HAT1: variants seen among roughly 807,000 people sequenced by gnomAD.
HAT1 encodes the protein histone acetyltransferase type B catalytic subunit.
In HAT1, 20 loss-of-function variants were observed where a neutral mutation model predicts 56.6. That is an observed-to-expected ratio of 0.35 (90% confidence interval 0.25 to 0.51). The LOEUF (loss-of-function observed/expected upper bound fraction) is 0.51. Among genes scored for constraint, HAT1 ranks in the 20% least tolerant of loss-of-function variants. HAT1 has a pLI of 0.95. For missense variants in HAT1, 408 were observed against 504.3 expected (o/e 0.81, Z 1.83); for synonymous variants, 146 against 165.5 (o/e 0.88, Z 0.91).
chr2:171,965,461 A>T lies in HAT1; in HGVS notation c.433A>T (p.Thr145Ser). The T allele has an allele frequency of 6.2e-7, 1 of 1,610,166 alleles. No homozygotes were observed. Among genetic ancestry groups the T allele is most frequent in the Non-Finnish European group, 8.5e-7 (1 of 1,176,798 alleles). Residue 145 changes from threonine to serine, a missense_variant, in exon 5 of 11, where the codon ACC (threonine) becomes TCC (serine). Transcript: ENST00000264108. The stretch of plus-strand genomic sequence containing the variant: ...CAAGCCATTCGGAACCTTACTTCAT[A>T]CCTACTCAGTTCTCAGTCCAACAGG... ...DFKPFGTLLHTYSVLSPTGGE... is the reference protein window; with the variant it reads ...DFKPFGTLLHSYSVLSPTGGE...
At chr2:171,949,171 C>CTTAT (rs971964841) in intron 3 of HAT1, among the ~76,000 whole-genome samples, 1 of 151,880 alleles carries the variant, frequency 6.6e-6, no homozygotes, top group African/African-American at 2.4e-5. Context: ...TCTTCTTCTT[C>CTTAT]TTATTTATTT....
At chr2:171,941,318 T>A (rs1230892510) in intron 2 of HAT1, among the ~76,000 whole-genome samples, 1 of 152,122 alleles carries the variant, frequency 6.6e-6, no homozygotes, top group Non-Finnish European at 1.5e-5. Context: ...GTTCAAGTGA[T>A]TCTCCTGCCT....
At chr2:171,927,674 G>A (rs924055953) in intron 2 of HAT1, among the ~76,000 whole-genome samples, 1 of 152,110 alleles carries the variant, frequency 6.6e-6, no homozygotes, top group African/African-American at 2.4e-5. Context: ...TGCAACCTCT[G>A]CCTCCCAGAT....
intron 9 of HAT1, among the ~76,000 whole-genome samples, chr2:171,977,542 TATATATATATATA>T (rs1332208917): frequency 7.0e-5 from 1 of 14,186 alleles, no homozygotes; most frequent in East Asian, 1.7e-3. Context: ...TATATATATA[TATATATATATATA>T]TATTTTTTTT....
intron 3 of HAT1, among the ~76,000 whole-genome samples, chr2:171,948,119 C>T (rs2105320699): frequency 6.6e-6 from 1 of 152,252 alleles, no homozygotes; most frequent in African/African-American, 2.4e-5. Context: ...TGTTGTTGAA[C>T]CATTTGAGAG....
chr2:171,976,108 A>C, intron 8 of HAT1, 49 bp from the exon 9 acceptor site: 1 of 1,048,994 alleles, frequency 9.5e-7, no homozygotes, highest in Non-Finnish European at 1.2e-6. Context: ...TGAAGAAATT[A>C]TATTGAGTAT....
intron 1 of HAT1, 66 bp from the exon 2 acceptor site, chr2:171,925,471 C>T (rs945089251): frequency 2.6e-6 from 2 of 760,344 alleles, no homozygotes; most frequent in East Asian, 2.5e-5. Flanking sequence ...CTTATAATAA[C>T]CCTATTGCAG....
At position 171,952,633 on chromosome 2, in the gene HAT1, G is replaced by A. The variant is rs554155756; in HGVS notation, c.189-248G>A. Reference sequence around the variant, plus strand: ...CATTTAGTGAGTACTTATACAATGTGCCAGTTTTATAAGTAGTTTACATGT... The same window carrying A: ...CATTTAGTGAGTACTTATACAATGTACCAGTTTTATAAGTAGTTTACATGT... On this transcript the variant is annotated intron_variant, in intron 3 of 10. Transcript: ENST00000264108. 3.9e-5 allele frequency among the ~76,000 whole-genome samples: 6 copies of A among 152,284 alleles called. No individual in the cohort carries two copies. The South Asian group carries it at 1.2e-3, about 32-fold the overall frequency.
Position 171,974,578 on chromosome 2 carries a change from G to T in HAT1, c.824-1579G>T, listed in dbSNP as rs149167257. The stretch of plus-strand genomic sequence containing the variant: ...TGCATTTTCTTTCTTTTTCTTACCC[G>T]ATTGCTTAGCTGAGAACTCCAATAT... On this transcript the variant is annotated intron_variant, in intron 8 of 10. Coordinates refer to ENST00000264108, the MANE Select transcript of HAT1 (RefSeq NM_003642.4). 3.7e-3 allele frequency among the ~76,000 whole-genome samples: 565 copies of T among 152,102 alleles called. 3 individuals carry two copies. Among genetic ancestry groups the T allele is most frequent in the Middle Eastern group, 0.017 (5 of 294 alleles).
chr2:171,927,950 G>A (rs142461587), intron 2 of HAT1, among the ~76,000 whole-genome samples: 4 of 151,876 alleles, frequency 2.6e-5, no homozygotes, highest in African/African-American at 7.3e-5. Context: ...GCAATGACGC[G>A]GTCTTGGCTC....
intron 6 of HAT1, chr2:171,966,197 G>A (rs1404692690): frequency 4.8e-6 from 3 of 623,370 alleles, no homozygotes; most frequent in Admixed American, 2.7e-5. Flanking sequence ...ATAGGCAAGT[G>A]CACTGAAGTG....
intron 4 of HAT1, among the ~76,000 whole-genome samples, chr2:171,958,851 TAATTGTGCGTAGCATGAAAAAGATCTGA>T (rs1687509254): frequency 6.6e-6 from 1 of 152,218 alleles, no homozygotes; most frequent in South Asian, 2.1e-4. Flanking sequence ...TCTATAAAAC[TAATTGTGCGTAGCATGAAAAAGATCTGA>T]AATAGTTTCA....
At chr2:171,972,386 C>G (rs992231048) in intron 8 of HAT1, among the ~76,000 whole-genome samples, 1 of 152,032 alleles carries the variant, frequency 6.6e-6, no homozygotes, top group Non-Finnish European at 1.5e-5. Flanking sequence ...CTCAGACTCC[C>G]AAGTAGCTGG....
At position 171,939,426 on chromosome 2, in the gene HAT1, G is replaced by T. The variant is rs150301557; in HGVS notation, c.113-7282G>T. On this transcript the variant is annotated intron_variant, in intron 2 of 10. Coordinates refer to ENST00000264108, the MANE Select transcript of HAT1 (RefSeq NM_003642.4). ...GTGATAGATCAAGTTTGTTAAACAG[G>T]TTGAATATGTCACAAAAATAAGCAA... is the stretch of plus-strand genomic sequence containing the variant. Among the ~76,000 whole-genome samples, 657 of 152,278 alleles carry T rather than the reference G, an allele frequency of 4.3e-3. 5 individuals are homozygous for T. Among genetic ancestry groups the T allele is most frequent in the African/African-American group, 0.015 (629 of 41,562 alleles).
At chr2:171,962,912 A>G (rs929765057) in intron 4 of HAT1, among the ~76,000 whole-genome samples, 2 of 152,302 alleles carry the variant, frequency 1.3e-5, no homozygotes, top group African/African-American at 4.8e-5. Flanking sequence ...ACTCTATTCA[A>G]TTAACAATGA....
intron 4 of HAT1, among the ~76,000 whole-genome samples, chr2:171,956,439 G>A (rs1173935467): frequency 1.3e-5 from 2 of 148,786 alleles, no homozygotes; most frequent in East Asian, 4.2e-4. Context: ...TTAAGCACGG[G>A]AGGTGAAGGT....
At chr2:171,950,438 C>T (rs185985186) in intron 3 of HAT1, among the ~76,000 whole-genome samples, 1 of 152,040 alleles carries the variant, frequency 6.6e-6, no homozygotes, top group East Asian at 1.9e-4. Flanking sequence ...GCCTCAGCCT[C>T]CCAAAGTCCT....
At chr2:171,933,746 T>G (rs1310970680) in intron 2 of HAT1, among the ~76,000 whole-genome samples, 1 of 152,210 alleles carries the variant, frequency 6.6e-6, no homozygotes, top group African/African-American at 2.4e-5. Flanking sequence ...GAATTAGTTC[T>G]GTCAAGGTCA....
intron 3 of HAT1, among the ~76,000 whole-genome samples, chr2:171,951,631 C>T (rs1687311482): frequency 1.4e-5 from 2 of 147,548 alleles, no homozygotes; most frequent in South Asian, 4.3e-4. Context: ...CGTGGTTTCA[C>T]CATGTTGGCA....
Sources: gnomAD v4.1 joint callset for allele counts (sites outside exome capture counted in the v4.1 genomes callset) on GRCh38, gnomAD v4.1.1 for gene constraint, MANE v1.5 for transcripts, NCBI Gene and HGNC (gene_info 2026-07-23, HGNC 2026-07-21) for gene names.